The following FGF13 variants were observed in gnomAD, a reference collection of about 807,000 sequenced individuals.
The protein encoded by FGF13 is fibroblast growth factor 13, also known as fibroblast growth factor homologous factor 2.
A neutral mutation model predicts 19.5 loss-of-function variants in FGF13; 2 were observed. The observed-to-expected ratio is 0.10, with a 90% CI of 0.04 to 0.32. FGF13 has a LOEUF of 0.32. Ranked by LOEUF, FGF13 falls within the 10% of genes least tolerant of loss-of-function variation. The probability of loss-of-function intolerance (pLI) is 1.00; values close to 1 mark genes in which losing one functional copy is unlikely to be tolerated. For missense variants in FGF13, 113 were observed against 192.7 expected (o/e 0.59, Z 2.45); for synonymous variants, 72 against 76.9 (o/e 0.94, Z 0.33).
chrX:138,854,571 C>G (rs2124134809), downstream of FGF13, among the ~76,000 whole-genome samples: 1 of 112,088 alleles, frequency 8.9e-6, no homozygotes, highest in East Asian at 2.8e-4. Flanking sequence ...AAGACTTTAT[C>G]TATACTAATT....
chrX:138,763,779 A>T (rs1299248558), intron 3 of FGF13, among the ~76,000 whole-genome samples: 2 of 111,292 alleles, frequency 1.8e-5, no homozygotes, highest in Non-Finnish European at 3.8e-5. Flanking sequence ...TATATGCTAC[A>T]TCCCGTGTTA....
intron 1 of FGF13, among the ~76,000 whole-genome samples, chrX:138,898,391 G>A (rs1199813789): frequency 2.7e-5 from 3 of 111,947 alleles, no homozygotes; most frequent in Non-Finnish European, 3.8e-5. Flanking sequence ...AATTTACCAC[G>A]TGCTAAGTAG....
At chrX:138,679,960 T>G (rs1464264965) in intron 3 of FGF13, among the ~76,000 whole-genome samples, 2 of 112,551 alleles carry the variant, frequency 1.8e-5, no homozygotes, top group Non-Finnish European at 3.7e-5. Flanking sequence ...ATATGATTTA[T>G]CAACTAAGTT....
intron 1 of FGF13, among the ~76,000 whole-genome samples, chrX:138,736,757 G>A (rs568972692): frequency 4.6e-5 from 5 of 109,675 alleles, no homozygotes; most frequent in Middle Eastern, 4.8e-3. Context: ...TTTCTTCCCC[G>A]AGAGAAGAAA....
rs181518531 is a variant in FGF13 at position 138,625,389 on chromosome X, C to T, written c.*7461G>A. On this transcript the variant is annotated 3_prime_UTR_variant, in exon 5 of 5. Coordinates refer to ENST00000315930, the MANE Select transcript of FGF13 (RefSeq NM_004114.5). ...TGCACTCCCATTCATTCCCATTGCACCATTATTCACAATAGATAAGTTATG... is the reference window on the plus strand; with the variant it reads ...TGCACTCCCATTCATTCCCATTGCATCATTATTCACAATAGATAAGTTATG... The T allele has an allele frequency of 9.7e-5, 10 of 103,152 alleles. No individual in the cohort carries two copies. The East Asian group carries it at 3.0e-3, about 31-fold the overall frequency. The allele number at this position is 103,152 out of a possible 1,213,427, so 8.5% of individuals were successfully genotyped here. A position where few individuals can be genotyped will look rare whatever the true frequency, so the allele number is the denominator to read the frequency against.
chrX:138,974,909 C>A (rs1334076054), intron 1 of FGF13, among the ~76,000 whole-genome samples: 5 of 112,382 alleles, frequency 4.4e-5, no homozygotes, highest in Admixed American at 3.8e-4. Context: ...GCTGTAATTA[C>A]AGGCACCCTA....
At chrX:138,665,141 A>G (rs2089527792) in intron 3 of FGF13, among the ~76,000 whole-genome samples, 1 of 110,427 alleles carries the variant, frequency 9.1e-6, no homozygotes, top group African/African-American at 3.3e-5. Context: ...CCAAAACAAG[A>G]TCCAGGTCTC....
intron 1 of FGF13, among the ~76,000 whole-genome samples, chrX:139,121,531 G>T (rs1324662489): frequency 9.0e-6 from 1 of 110,917 alleles, no homozygotes; most frequent in Non-Finnish European, 1.9e-5. Context: ...CTGAGTAGCT[G>T]GGACAACAGG....
chrX:138,660,686 G>A (rs997213776), intron 3 of FGF13, among the ~76,000 whole-genome samples: 1 of 110,921 alleles, frequency 9.0e-6, no homozygotes, highest in African/African-American at 3.3e-5. Flanking sequence ...CTGTGAATAT[G>A]AAACACTAGA....
chrX:138,893,155 A>T (rs1400566832), intron 1 of FGF13, among the ~76,000 whole-genome samples: 3 of 111,743 alleles, frequency 2.7e-5, no homozygotes, highest in Non-Finnish European at 5.6e-5. Flanking sequence ...CCTCGGAGGT[A>T]ACTGAGAAGG....
intron 1 of FGF13, among the ~76,000 whole-genome samples, chrX:138,892,325 T>C (rs2091482207): frequency 9.0e-6 from 1 of 111,516 alleles, no homozygotes; most frequent in African/African-American, 3.3e-5. Flanking sequence ...GGGATTAAGT[T>C]GTGTTATTGA....
chrX:138,709,516 T>A (rs774249535), intron 1 of FGF13, among the ~76,000 whole-genome samples: 132 of 112,227 alleles, frequency 1.2e-3, no homozygotes, highest in Admixed American at 3.0e-3. Flanking sequence ...TTAACAAATC[T>A]TGTCATATTA....
intron 1 of FGF13, among the ~76,000 whole-genome samples, chrX:139,082,736 A>C (rs2083379382): frequency 8.9e-6 from 1 of 111,891 alleles, no homozygotes; most frequent in Non-Finnish European, 1.9e-5. Context: ...TGAACGAAAA[A>C]ATTTCCATTA....
chrX:138,960,243 C>A (rs2091862628), intron 1 of FGF13, among the ~76,000 whole-genome samples: 1 of 111,533 alleles, frequency 9.0e-6, no homozygotes, highest in African/African-American at 3.3e-5. Flanking sequence ...TCAGCATTTG[C>A]TTGTCTGTAA....
intron 2 of FGF13, among the ~76,000 whole-genome samples, chrX:138,860,837 G>T (rs1167879174): frequency 2.7e-5 from 3 of 112,185 alleles, no homozygotes; most frequent in Non-Finnish European, 5.6e-5. Context: ...CAGGCCTTTG[G>T]GGGGAAATTT....
intron 3 of FGF13, among the ~76,000 whole-genome samples, chrX:138,656,000 T>C (rs751344798): frequency 1.7e-4 from 19 of 112,135 alleles, no homozygotes; most frequent in Admixed American, 1.3e-3. Flanking sequence ...ACTACATGCA[T>C]GAAAAGTGTA....
chrX:138,648,985 C>G (rs1347935246), intron 3 of FGF13, among the ~76,000 whole-genome samples: 3 of 111,998 alleles, frequency 2.7e-5, no homozygotes, highest in Non-Finnish European at 5.6e-5. Context: ...TACCAGATGG[C>G]TGGTGAAGAA....
intron 1 of FGF13, among the ~76,000 whole-genome samples, chrX:139,132,066 T>C (rs2083766216): frequency 8.9e-6 from 1 of 112,301 alleles, no homozygotes; most frequent in Non-Finnish European, 1.9e-5. Context: ...AATTTGTGTT[T>C]TCTCTTTTTT....
chrX:138,786,209 C>T (rs1189587988), intron 3 of FGF13, among the ~76,000 whole-genome samples: 1 of 111,823 alleles, frequency 8.9e-6, no homozygotes, highest in Non-Finnish European at 1.9e-5. Context: ...TTAAGATCTT[C>T]TAGGAACTAC....
Sources: allele counts gnomAD v4.1 joint callset (sites outside exome capture counted in the v4.1 genomes callset), GRCh38; gene constraint gnomAD v4.1.1; transcripts MANE v1.5; gene names NCBI Gene and HGNC (gene_info 2026-07-23, HGNC 2026-07-21).